Variants in RRP8 observed in about 807,000 individuals in gnomAD.
RRP8 encodes ribosomal RNA processing 8.
In RRP8, 48 loss-of-function variants were observed where a neutral mutation model predicts 45.0. The observed-to-expected ratio is 1.07, with a 90% CI of 0.85 to 1.36. The LOEUF (loss-of-function observed/expected upper bound fraction) is 1.36, where lower values mean the gene tolerates loss of function less well. RRP8 is among the 40% of genes most tolerant of loss of function. RRP8 has a pLI of 0.00. For synonymous variants in RRP8, 274 were observed against 212.4 expected, an observed-to-expected ratio of 1.29 and a Z score of -2.52; for missense variants, 658 against 573.7, an observed-to-expected ratio of 1.15 and a Z score of -1.50.
chr11:6,602,328 C>G, intron 1 of RRP8, 113 bp from the exon 2 acceptor site: 1 of 1,291,702 alleles, frequency 7.7e-7, no homozygotes, highest in South Asian at 1.8e-5. Context: ...TGAATTCTTC[C>G]CAGTCAAGCC....
rs1368926497 is a variant in RRP8 at position 6,601,586 on chromosome 11, C to T, written c.480G>A (p.Lys160=). 5 of 1,600,520 alleles carry T rather than the reference C, an allele frequency of 3.1e-6. No homozygotes were observed. The highest frequency in any genetic ancestry group is 1.1e-5 in the South Asian group (1 of 91,000). The part of the protein sequence containing the change: ...NVDQTGPKAW[K]GSTTNDPPKQ... ...TTGGTGGATCATTTGTAGTACTACCCTTCCAGGCTTTGGGACCTACAGGGA... is the reference window on the plus strand; with the variant it reads ...TTGGTGGATCATTTGTAGTACTACCTTTCCAGGCTTTGGGACCTACAGGGA... Residue 160 remains lysine (K), a synonymous_variant, in exon 3 of 7, where the codon AAG becomes AAA. Coordinates refer to ENST00000254605, the MANE Select transcript of RRP8 (RefSeq NM_015324.4).
At position 6,599,210 on chromosome 11, in the gene RRP8, C is replaced by G. The variant is rs566903085; in HGVS notation, c.*936G>C. On this transcript the variant is annotated 3_prime_UTR_variant, in exon 7 of 7. Transcript: ENST00000254605. ...CATTCTTTACCCCTCAGCCTCCAAC[C>G]AGCCTAGGGAAGATCTTCAAAAAAC... 1.3e-5 allele frequency: 2 copies of G among 152,416 alleles called. No homozygotes were observed. Among genetic ancestry groups the G allele is most frequent in the African/African-American group, 4.8e-5 (2 of 41,580 alleles). The allele number at this position is 152,416 out of a possible 1,614,324, so 9.4% of individuals were successfully genotyped here.
In RRP8 at chr11:6,600,250, G is replaced by A. The variant is rs1411037729; in HGVS notation, c.1267C>T (p.His423Tyr). ...KIVSKDLTNSHFFLFDFQKTG... is the reference protein window; with the variant it reads ...KIVSKDLTNSYFFLFDFQKTG... Reference sequence around the variant, plus strand: ...TTTTGGAAATCAAACAAGAAGAAATGGCTGTTGGTCAGGTCCTAGGGGCAG... The same window carrying A: ...TTTTGGAAATCAAACAAGAAGAAATAGCTGTTGGTCAGGTCCTAGGGGCAG... Residue 423 changes from histidine (H) to tyrosine (Y), a missense_variant, in exon 7 of 7, where the codon CAT (histidine) becomes TAT (tyrosine). His to Tyr is a moderately conservative substitution (Grantham distance 83, BLOSUM62 2). Coordinates refer to ENST00000254605, the MANE Select transcript of RRP8 (RefSeq NM_015324.4). The A allele has an allele frequency of 6.3e-7, 1 of 1,598,622 alleles. No individual in the cohort carries two copies. The highest frequency in any genetic ancestry group is 1.8e-5 in the Admixed American group (1 of 56,072).
In RRP8 at chr11:6,600,697, C is replaced by T. The variant is rs1468400759; in HGVS notation, c.1126G>A (p.Glu376Lys). The change falls in exon 5 of 7, where the codon GAG (glutamate) becomes AAG (lysine). Residue 376 changes from glutamate (E) to lysine (K), a missense_variant. Glu to Lys is a moderately conservative substitution (Grantham distance 56, BLOSUM62 1). Coordinates refer to ENST00000254605, the MANE Select transcript of RRP8 (RefSeq NM_015324.4). Reference sequence around the variant, plus strand: ...GGCTTCAGTACTCTATTTGCCTCCTCTAGGAAGTCCCTGATGTTGGTTCCC... The same window carrying T: ...GGCTTCAGTACTCTATTTGCCTCCTTTAGGAAGTCCCTGATGTTGGTTCCC... ...LMGTNIRDFL[E>K]EANRVLKPGG... The T allele has an allele frequency of 1.9e-6, 3 of 1,613,932 alleles. No homozygotes were observed. The African/African-American group carries it at 4.0e-5, about 22-fold the overall frequency.
intron 2 of RRP8, 84 bp from the exon 3 acceptor site, chr11:6,601,686 T>G: frequency 6.7e-7 from 1 of 1,500,986 alleles, no homozygotes; most frequent in East Asian, 2.3e-5. Context: ...GCCATACCTC[T>G]GTCTTTGAGA....
At chr11:6,600,423 C>A (rs1350128870) in intron 6 of RRP8, 63 bp downstream of exon 6, 2 of 1,496,024 alleles carry the variant, frequency 1.3e-6, no homozygotes, top group African/African-American at 2.8e-5. Context: ...CCTTCCTGAA[C>A]ACCAGTACCC....
chr11:6,601,825 C>T lies in RRP8; in HGVS notation c.463+27G>A, dbSNP rs772282489. 3.2e-6 allele frequency: 5 copies of T among 1,575,014 alleles called. No homozygotes were observed. The East Asian group carries it at 9.2e-5, about 29-fold the overall frequency. Reference sequence around the variant, plus strand: ...ACCCCCCGACACACACACACCAACACACACACATATACACATCCAATGGTA... The same window carrying T: ...ACCCCCCGACACACACACACCAACATACACACATATACACATCCAATGGTA... On this transcript the variant is annotated intron_variant, in intron 2 of 6. Coordinates refer to ENST00000254605, the MANE Select transcript of RRP8 (RefSeq NM_015324.4).
intron 1 of RRP8, among the ~76,000 whole-genome samples, chr11:6,603,057 C>T (rs907855833): frequency 1.3e-5 from 2 of 152,178 alleles, no homozygotes; most frequent in Non-Finnish European, 2.9e-5. Flanking sequence ...ATACGCAAAA[C>T]TTCTACCTCT....
rs1854329673 is a variant in RRP8 at position 6,600,763 on chromosome 11, C to A, written c.1060G>T (p.Asp354Tyr). 1 of 1,613,958 alleles carries A rather than the reference C, an allele frequency of 6.2e-7. No homozygotes were observed. Among genetic ancestry groups the A allele is most frequent in the African/African-American group, 1.3e-5 (1 of 75,036 alleles). ...AACACAGCCACATCCACAGACTCAT[C>A]CTCCAGAGGAACCTGTGGAGAGTGA... ...VCDMAQVPLE[D>Y]ESVDVAVFCL... The change falls in exon 5 of 7, where the codon GAT becomes TAT. Residue 354 changes from aspartate to tyrosine, a missense_variant. Coordinates refer to ENST00000254605, the MANE Select transcript of RRP8 (RefSeq NM_015324.4).
chr11:6,601,838 A>G lies in RRP8; in HGVS notation c.463+14T>C. On this transcript the variant is annotated intron_variant, in intron 2 of 6. Transcript: ENST00000254605. ...CACACACCAACACACACACATATACACATCCAATGGTACCTGTTTGGTCAA... is the reference window on the plus strand; with the variant it reads ...CACACACCAACACACACACATATACGCATCCAATGGTACCTGTTTGGTCAA... 6.3e-7 allele frequency: 1 copy of G among 1,595,498 alleles called. No homozygotes were observed. Among genetic ancestry groups the G allele is most frequent in the Non-Finnish European group, 8.5e-7 (1 of 1,169,822 alleles).
rs940466279 is a variant in RRP8 at position 6,598,609 on chromosome 11, G to A, written c.*1537C>T. On this transcript the variant is annotated 3_prime_UTR_variant, in exon 7 of 7. Transcript: ENST00000254605. Reference sequence around the variant, plus strand: ...AGGAAACAACTAGGCTGTTCGGAAAGATGAGCAAACTGCCAGTCCGATGAA... The same window carrying A: ...AGGAAACAACTAGGCTGTTCGGAAAAATGAGCAAACTGCCAGTCCGATGAA... 2 of 152,266 alleles carry A rather than the reference G, an allele frequency of 1.3e-5. No individual in the cohort carries two copies. The highest frequency in any genetic ancestry group is 2.9e-5 in the Non-Finnish European group (2 of 68,058). 9.4% of individuals were successfully genotyped at this position (152,266 alleles called of 1,614,324 possible). A position where few individuals can be genotyped will look rare whatever the true frequency, so the allele number is the denominator to read the frequency against.
In RRP8 at chr11:6,601,139, C is replaced by T. The variant is rs377099269; in HGVS notation, c.917+10G>A. On this transcript the variant is annotated intron_variant, in intron 3 of 6. Transcript: ENST00000254605. ...CACATGGCTTCTCACAGTCCCTGAC[C>T]CCCATTCACCGCTGGCGAAGATCCC... is the stretch of plus-strand genomic sequence containing the variant. 1 of 1,613,720 alleles carries T rather than the reference C, an allele frequency of 6.2e-7. No individual in the cohort carries two copies. Among genetic ancestry groups the T allele is most frequent in the Non-Finnish European group, 8.5e-7 (1 of 1,179,778 alleles).
rs1389509194 is a variant in RRP8, at chr11:6,601,167, G to C, written c.899C>G (p.Ala300Gly). Residue 300 changes from alanine to glycine, a missense_variant, in exon 3 of 7, where the codon GCC (alanine) becomes GGC (glycine). Transcript: ENST00000254605. ...CATTCACCGCTGGCGAAGATCCCTG[G>C]CGATGCGGTCCACTGGCTGCAGTGG... ...KWPLQPVDRI[A>G]RDLRQRPASL... 1 of 1,614,018 alleles carries C rather than the reference G, an allele frequency of 6.2e-7. No homozygotes were observed. Among genetic ancestry groups the C allele is most frequent in the South Asian group, 1.1e-5 (1 of 91,082 alleles).
Position 6,600,477 on chromosome 11 carries a change from G to A in RRP8, c.1251+9C>T. On this transcript the variant is annotated intron_variant, in intron 6 of 6. Coordinates refer to ENST00000254605, the MANE Select transcript of RRP8 (RefSeq NM_015324.4). ...ACAAAAACAGGTACAGATGTCTTGGGGCCCTCACCTTGGAGACAATCTTGA... is the reference window on the plus strand; with the variant it reads ...ACAAAAACAGGTACAGATGTCTTGGAGCCCTCACCTTGGAGACAATCTTGA... The A allele has an allele frequency of 3.1e-6, 5 of 1,612,420 alleles. No homozygotes were observed. Among genetic ancestry groups the A allele is most frequent in the Non-Finnish European group, 4.2e-6 (5 of 1,179,406 alleles).
In RRP8 at chr11:6,598,342, CCT is replaced by C. The variant is rs1377951616; in HGVS notation, c.*1802_*1803del. ...CTAGTACCTGGGTTTCTATAACACCCCTGTTCTCATCTATCCCACTCAACTGG... is the reference window on the plus strand; with the variant it reads ...CTAGTACCTGGGTTTCTATAACACCCGTTCTCATCTATCCCACTCAACTGG... On this transcript the variant is annotated 3_prime_UTR_variant, in exon 7 of 7. Coordinates refer to ENST00000254605, the MANE Select transcript of RRP8 (RefSeq NM_015324.4). 6.6e-6 allele frequency: 1 copy of C among 152,248 alleles called. No homozygotes were observed. Among genetic ancestry groups the C allele is most frequent in the Admixed American group, 6.5e-5 (1 of 15,276 alleles). 9.4% of individuals were successfully genotyped at this position (152,248 alleles called of 1,614,324 possible). A position where few individuals can be genotyped will look rare whatever the true frequency, so the allele number is the denominator to read the frequency against.
At position 6,596,001 on chromosome 11, in the gene RRP8, G is replaced by C. The variant is rs1207481700; in HGVS notation, c.*4145C>G. ...ATGTGCTTCAAGGTTACCTTGAAGAGGAAGGAGGAAGAGAATAATGGAAAT... is the reference window on the plus strand; with the variant it reads ...ATGTGCTTCAAGGTTACCTTGAAGACGAAGGAGGAAGAGAATAATGGAAAT... On this transcript the variant is annotated 3_prime_UTR_variant, in exon 7 of 7. Transcript: ENST00000254605. 1 of 152,242 alleles carries C rather than the reference G, an allele frequency of 6.6e-6. No homozygotes were observed. The highest frequency in any genetic ancestry group is 1.5e-5 in the Non-Finnish European group (1 of 68,040). The allele number at this position is 152,242 out of a possible 1,614,324, so 9.4% of individuals were successfully genotyped here.
In RRP8 at chr11:6,598,529, C is replaced by T. The variant is rs1156474078; in HGVS notation, c.*1617G>A. ...ATTTAGAAGCTGAAGTAGCACTCTTCACATAGTACTTTGAGAGTACAGATG... is the reference window on the plus strand; with the variant it reads ...ATTTAGAAGCTGAAGTAGCACTCTTTACATAGTACTTTGAGAGTACAGATG... On this transcript the variant is annotated 3_prime_UTR_variant, in exon 7 of 7. Transcript: ENST00000254605. 1 of 152,250 alleles carries T rather than the reference C, an allele frequency of 6.6e-6. No individual in the cohort carries two copies. Among genetic ancestry groups the T allele is most frequent in the African/African-American group, 2.4e-5 (1 of 41,468 alleles). 9.4% of individuals were successfully genotyped at this position (152,250 alleles called of 1,614,324 possible). A position where few individuals can be genotyped will look rare whatever the true frequency, so the allele number is the denominator to read the frequency against.
chr11:6,597,921 TG>T lies in RRP8; in HGVS notation c.*2224del, dbSNP rs577122214. ...AAAAAAAAAAAAAAATTAACTCTCC[TG>T]GTTTTACTCCTACATCTCTGGGTGA... On this transcript the variant is annotated 3_prime_UTR_variant, in exon 7 of 7. Transcript: ENST00000254605. 3.3e-4 allele frequency: 50 copies of T among 152,086 alleles called. No homozygotes were observed. The highest frequency in any genetic ancestry group is 1.2e-3 in the African/African-American group (49 of 41,396). 9.4% of individuals were successfully genotyped at this position (152,086 alleles called of 1,614,324 possible). A position where few individuals can be genotyped will look rare whatever the true frequency, so the allele number is the denominator to read the frequency against.
At position 6,600,550 on chromosome 11, in the gene RRP8, C is replaced by G. The variant is rs146302834; in HGVS notation, c.1187G>C (p.Arg396Pro). The G allele has an allele frequency of 1.2e-6, 2 of 1,613,972 alleles. No homozygotes were observed. Among genetic ancestry groups the G allele is most frequent in the Admixed American group, 1.7e-5 (1 of 60,008 alleles). The change falls in exon 6 of 7, where the codon CGC (arginine) becomes CCC (proline). Residue 396 changes from arginine (R) to proline (P), a missense_variant. Physicochemically the swap from Arg to Pro is moderately radical, Grantham distance 103. Transcript: ENST00000254605. ...GLLKVAEVSS[R>P]FEDVRTFLRA... ...CAGAAAGGTTCGAACATCCTCAAAG[C>G]GGCTGCTGACCTCAGCCACTTTCAG...
Sources: allele counts gnomAD v4.1 joint callset (sites outside exome capture counted in the v4.1 genomes callset), GRCh38; gene constraint gnomAD v4.1.1; transcripts MANE v1.5; gene names NCBI Gene and HGNC (gene_info 2026-07-23, HGNC 2026-07-21).